FBXW11: variants seen among roughly 807,000 people sequenced by gnomAD.
FBXW11 encodes F-box/WD repeat-containing protein 11.
A neutral mutation model predicts 77.6 loss-of-function variants in FBXW11; 19 were observed. The ratio of observed to expected loss-of-function variants is 0.24; its 90% CI spans 0.17 to 0.36. The LOEUF is 0.36. FBXW11 is among the 10% of genes least tolerant of loss of function. The pLI is 1.00. For missense variants in FBXW11, 334 were observed against 704.2 expected (o/e 0.47, Z 5.95); for synonymous variants, 235 against 249.4 (o/e 0.94, Z 0.54).
chr5:171,914,701 C>T (rs1761115329), intron 2 of FBXW11, among the ~76,000 whole-genome samples: 1 of 152,214 alleles, frequency 6.6e-6, no homozygotes, highest in African/African-American at 2.4e-5. Flanking sequence ...CCTCCGTCAT[C>T]ACTGTTTTTG....
At chr5:171,921,138 G>A (rs995849943) in intron 2 of FBXW11, among the ~76,000 whole-genome samples, 5 of 152,150 alleles carry the variant, frequency 3.3e-5, no homozygotes, top group African/African-American at 1.2e-4. Context: ...AATCTCTTCT[G>A]TACATTCCCC....
intron 1 of FBXW11, among the ~76,000 whole-genome samples, chr5:171,992,648 T>C (rs139286206): frequency 3.8e-4 from 58 of 152,262 alleles, no homozygotes; most frequent in African/African-American, 1.3e-3. Context: ...TATGTTGCCA[T>C]TCCCATACAC....
chr5:171,945,432 G>C (rs1474827916), intron 2 of FBXW11, among the ~76,000 whole-genome samples: 3 of 152,188 alleles, frequency 2.0e-5, no homozygotes, highest in African/African-American at 7.2e-5. Flanking sequence ...ATAGAAGGTA[G>C]ATACCCCTGT....
intron 9 of FBXW11, among the ~76,000 whole-genome samples, chr5:171,875,054 T>C (rs868390557): frequency 2.0e-5 from 3 of 152,078 alleles, no homozygotes; most frequent in Admixed American, 6.5e-5. Flanking sequence ...GTCAAAAAAA[T>C]AGAAACAACT....
chr5:171,985,797 CTT>C, intron 1 of FBXW11, among the ~76,000 whole-genome samples: 1 of 151,858 alleles, frequency 6.6e-6, no homozygotes, highest in Admixed American at 6.6e-5. Context: ...GATTTTAAAA[CTT>C]AGCCAGACAT....
At chr5:171,998,334 G>GTTTTTTTTTTTTTT (rs1766187822) in intron 1 of FBXW11, among the ~76,000 whole-genome samples, 2 of 107,860 alleles carry the variant, frequency 1.9e-5, no homozygotes, top group African/African-American at 1.4e-4. Context: ...TTTTTTTCTT[G>GTTTTTTTTTTTTTT]TCTTTTTTTT....
intron 7 of FBXW11, among the ~76,000 whole-genome samples, chr5:171,884,121 G>A (rs1202769348): frequency 6.6e-6 from 1 of 152,198 alleles, no homozygotes; most frequent in Non-Finnish European, 1.5e-5. Flanking sequence ...CTAAGCCAAT[G>A]TCTAGAAGGG....
intron 6 of FBXW11, among the ~76,000 whole-genome samples, chr5:171,895,455 C>T (rs1415279921): frequency 6.6e-6 from 1 of 152,160 alleles, no homozygotes; most frequent in African/African-American, 2.4e-5. Context: ...CCCCACTTTC[C>T]CTGAATAAAA....
At chr5:171,868,318 A>C (rs1376074000) in intron 13 of FBXW11, among the ~76,000 whole-genome samples, 3 of 152,088 alleles carry the variant, frequency 2.0e-5, no homozygotes, top group Admixed American at 2.0e-4. Flanking sequence ...AAGACATTTT[A>C]CTGGTGTTAA....
chr5:171,958,780 C>T (rs1160122353), intron 1 of FBXW11, among the ~76,000 whole-genome samples: 3 of 152,102 alleles, frequency 2.0e-5, no homozygotes, highest in Non-Finnish European at 2.9e-5. Context: ...AAAATCAATA[C>T]TCATGTAACA....
intron 13 of FBXW11, among the ~76,000 whole-genome samples, chr5:171,866,236 G>GC (rs1757381250): frequency 6.6e-6 from 1 of 150,904 alleles, no homozygotes; most frequent in Non-Finnish European, 1.5e-5. Context: ...CTGCACTCCA[G>GC]CCTGGGTGAC....
chr5:171,872,952 G>C lies in FBXW11; in HGVS notation c.1260C>G (p.Leu420=). ...STSTCEFVRT[L]NGHKRGIACL... ...AGGCAATGCCCCGCTTGTGCCCATT[G>C]AGAGTACGAACAAATTCACAGGTGC... The change falls in exon 10 of 14, where the codon CTC becomes CTG. Residue 420 remains leucine, a synonymous_variant. Transcript: ENST00000517395. 1.9e-6 allele frequency: 3 copies of C among 1,614,048 alleles called. No individual in the cohort carries two copies. The highest frequency in any genetic ancestry group is 2.5e-6 in the Non-Finnish European group (3 of 1,179,978).
At chr5:171,948,390 T>C (rs1162943010) in intron 2 of FBXW11, among the ~76,000 whole-genome samples, 2 of 151,882 alleles carry the variant, frequency 1.3e-5, no homozygotes, top group Non-Finnish European at 2.9e-5. Flanking sequence ...TATGATTGAC[T>C]GGTTAATTTC....
At chr5:171,952,796 G>A (rs1296508882) in intron 2 of FBXW11, among the ~76,000 whole-genome samples, 1 of 151,732 alleles carries the variant, frequency 6.6e-6, no homozygotes, top group Non-Finnish European at 1.5e-5. Flanking sequence ...AGGCCCCCAG[G>A]ACGGCTTTGA....
At chr5:172,002,516 T>C (rs1766467684) in intron 1 of FBXW11, among the ~76,000 whole-genome samples, 1 of 151,020 alleles carries the variant, frequency 6.6e-6, no homozygotes, top group African/African-American at 2.4e-5. Flanking sequence ...GCACCCCTAG[T>C]GGTGTGCTAC....
intron 2 of FBXW11, among the ~76,000 whole-genome samples, chr5:171,937,098 A>C (rs1762518945): frequency 6.6e-6 from 1 of 152,232 alleles, no homozygotes; most frequent in African/African-American, 2.4e-5. Context: ...CTATTGTTGG[A>C]TAAGAGAACT....
intron 2 of FBXW11, among the ~76,000 whole-genome samples, chr5:171,934,684 A>C (rs1376525867): frequency 2.6e-5 from 4 of 151,826 alleles, no homozygotes; most frequent in African/African-American, 9.6e-5. Context: ...CTCAAAAAAA[A>C]AAAAAAAAAA....
intron 2 of FBXW11, among the ~76,000 whole-genome samples, chr5:171,955,432 C>G (rs1373082071): frequency 3.3e-5 from 5 of 152,170 alleles, no homozygotes; most frequent in Non-Finnish European, 7.3e-5. Flanking sequence ...GAAGAGTCAT[C>G]TTTGCAATAA....
rs554773026 is a variant in FBXW11 at position 171,972,094 on chromosome 5, G to C, written c.46-14396C>G. Among the ~76,000 whole-genome samples, 3 of 142,042 alleles carry C rather than the reference G, an allele frequency of 2.1e-5. No individual in the cohort carries two copies. The East Asian group carries it at 6.3e-4, about 30-fold the overall frequency. The allele number at this position is 142,042 out of a possible 152,430, so 93.2% of individuals were successfully genotyped here. Reference sequence around the variant, plus strand: ...AAAAGATACAAAAATTTAGCTGGGCGTGGTGGTGTACACCTGTAGCACAGC... The same window carrying C: ...AAAAGATACAAAAATTTAGCTGGGCCTGGTGGTGTACACCTGTAGCACAGC... On this transcript the variant is annotated intron_variant, in intron 1 of 13. Transcript: ENST00000517395.
Sources: allele counts gnomAD v4.1 joint callset (sites outside exome capture counted in the v4.1 genomes callset), GRCh38; gene constraint gnomAD v4.1.1; transcripts MANE v1.5; gene names NCBI Gene and HGNC (gene_info 2026-07-23, HGNC 2026-07-21).